NOP9: variants seen among roughly 807,000 people sequenced by gnomAD.
NOP9 encodes the protein NOP9 nucleolar protein, also known as nucleolar protein 9.
A neutral mutation model predicts 63.0 loss-of-function variants in NOP9; 50 were observed. The observed-to-expected ratio is 0.79, with a 90% CI of 0.63 to 1.00. NOP9 has a LOEUF of 1.00. Among genes scored for constraint, NOP9 ranks in the 50% least tolerant of loss-of-function variants. The pLI is 0.00. For synonymous variants in NOP9, 343 were observed against 332.8 expected (o/e 1.03, Z -0.33); for missense variants, 758 against 803.0 (o/e 0.94, Z 0.68).
the NOP9 span, among the ~76,000 whole-genome samples, chr14:24,279,133 T>A: frequency 6.6e-6 from 1 of 152,178 alleles, no homozygotes; most frequent in African/African-American, 2.4e-5. Context: ...TTCAAGCATA[T>A]GTTGGTCAAC....
rs1434495037 is a variant in NOP9 at position 24,306,254 on chromosome 14, C to G, written c.*1159C>G. ...GACTTTCTGTCCACTGTGTGACATC[C>G]TTGACAATTCCACAACTCCTCCTGC... On this transcript the variant is annotated 3_prime_UTR_variant, in exon 10 of 10. Transcript: ENST00000267425. The G allele has an allele frequency of 3.9e-6, 6 of 1,530,414 alleles. No individual in the cohort carries two copies. The highest frequency in any genetic ancestry group is 5.4e-6 in the Non-Finnish European group (6 of 1,115,978). 94.8% of individuals were successfully genotyped at this position (1,530,414 alleles called of 1,614,324 possible). A position where few individuals can be genotyped will look rare whatever the true frequency, so the allele number is the denominator to read the frequency against.
chr14:24,285,936 C>G, the NOP9 span, among the ~76,000 whole-genome samples: 42 of 152,050 alleles, frequency 2.8e-4, no homozygotes, highest in Non-Finnish European at 5.1e-4. Flanking sequence ...TGGCTGTGAG[C>G]CAAGATCATG....
In NOP9 at chr14:24,305,032, G is replaced by A. The variant is rs774670000; in HGVS notation, c.1848G>A (p.Trp616Ter). 6.2e-7 allele frequency: 1 copy of A among 1,606,580 alleles called. No homozygotes were observed. Among genetic ancestry groups the A allele is most frequent in the South Asian group, 1.1e-5 (1 of 89,970 alleles). ...LTTFLKRREA[W>*]EQQQGAVAKR... The stretch of plus-strand genomic sequence containing the variant: ...CCTTCCTAAAGCGGCGAGAGGCTTG[G>A]GAACAGCAGCAGGGTGCGGTGGCCA... The change falls in exon 10 of 10, where the codon TGG becomes TGA. Residue 616 changes from tryptophan to a stop codon, truncating the protein, a stop_gained. Coordinates refer to ENST00000267425, the MANE Select transcript of NOP9 (RefSeq NM_174913.3). LOFTEE classifies it high-confidence loss of function.
At position 24,301,622 on chromosome 14, in the gene NOP9, G is replaced by A; in HGVS notation, c.708G>A (p.Lys236=). ...TTAATCTTCCTTCAGAAGCACAGAA[G>A]ACCCCAGCTCAGGAATGTAAGCCAG... is the stretch of plus-strand genomic sequence containing the variant. ...PRGSQSSEAQ[K]TPAQECKPAD... is the part of the protein sequence containing the mutation. The change falls in exon 3 of 10, where the codon AAG becomes AAA. Residue 236 remains lysine, a synonymous_variant. Coordinates refer to ENST00000267425, the MANE Select transcript of NOP9 (RefSeq NM_174913.3). 1.2e-6 allele frequency: 2 copies of A among 1,614,122 alleles called. No homozygotes were observed. The highest frequency in any genetic ancestry group is 1.7e-6 in the Non-Finnish European group (2 of 1,179,988).
chr14:24,292,224 A>C, the NOP9 span: 1 of 1,613,982 alleles, frequency 6.2e-7, no homozygotes, highest in East Asian at 2.2e-5. Context: ...CTCCTTTGCC[A>C]TATGCTCCTT....
At chr14:24,291,928 G>A in the NOP9 span, 70 of 605,472 alleles carry the variant, frequency 1.2e-4, no homozygotes, top group Non-Finnish European at 3.5e-5. Flanking sequence ...CATGGTCTTT[G>A]GAGCTAGACA....
At position 24,305,450 on chromosome 14, in the gene NOP9, G is replaced by A; in HGVS notation, c.*355G>A. The A allele has an allele frequency of 1.4e-6, 1 of 709,298 alleles. No homozygotes were observed. The highest frequency in any genetic ancestry group is 2.2e-6 in the Non-Finnish European group (1 of 445,854). 43.9% of individuals were successfully genotyped at this position (709,298 alleles called of 1,614,324 possible). On this transcript the variant is annotated 3_prime_UTR_variant, in exon 10 of 10. Coordinates refer to ENST00000267425, the MANE Select transcript of NOP9 (RefSeq NM_174913.3). ...GGAAAGAACAGCATTCTTCAGGTAA[G>A]GGTATAGACTTGGGATGTGAGGCGT...
the NOP9 span, among the ~76,000 whole-genome samples, chr14:24,273,282 G>A: frequency 1.3e-5 from 2 of 151,582 alleles, no homozygotes; most frequent in South Asian, 4.2e-4. Flanking sequence ...GGGTTCAAGC[G>A]ATTCTCCTGC....
the NOP9 span, chr14:24,292,544 T>G: frequency 6.3e-7 from 1 of 1,589,088 alleles, no homozygotes; most frequent in Non-Finnish European, 8.6e-7. Context: ...GAGGAGGAGC[T>G]GAGAGGAGCC....
upstream of NOP9, chr14:24,299,643 C>T (rs2041328448): frequency 3.0e-6 from 1 of 331,258 alleles, no homozygotes; most frequent in Non-Finnish European, 5.5e-6. Context: ...TCTGGGTTCT[C>T]GCCCAGATTG....
chr14:24,306,044 G>C lies in NOP9; in HGVS notation c.*949G>C, dbSNP rs770979892. The C allele has an allele frequency of 1.9e-6, 3 of 1,614,134 alleles. No homozygotes were observed. The highest frequency in any genetic ancestry group is 1.7e-6 in the Non-Finnish European group (2 of 1,180,036). ...ACATTCAGGCTGCCAAAGAGGTCTC[G>C]AGGGTTTTGCTTGTACACGTCAAAG... On this transcript the variant is annotated 3_prime_UTR_variant, in exon 10 of 10. Transcript: ENST00000267425.
At chr14:24,281,013 T>C in the NOP9 span, among the ~76,000 whole-genome samples, 7 of 152,170 alleles carry the variant, frequency 4.6e-5, no homozygotes, top group Admixed American at 4.6e-4. Context: ...TGCCTGGAAC[T>C]GCTGACAGGA....
At position 24,304,524 on chromosome 14, in the gene NOP9, A is replaced by T; in HGVS notation, c.1679A>T (p.His560Leu). The stretch of plus-strand genomic sequence containing the variant: ...TATGTGGCTCTGGCCTGTAGTCGCC[A>T]TGGCAGCCGTGTGCTAGATGCCATC... ...GQYVALACSRHGSRVLDAIWS... is the reference protein window; with the variant it reads ...GQYVALACSRLGSRVLDAIWS... Residue 560 changes from histidine (H) to leucine (L), a missense_variant, in exon 9 of 10, where the codon CAT becomes CTT. His to Leu is a moderately conservative substitution (Grantham distance 99, BLOSUM62 -3). Transcript: ENST00000267425. 1 of 1,613,088 alleles carries T rather than the reference A, an allele frequency of 6.2e-7. No individual in the cohort carries two copies. The highest frequency in any genetic ancestry group is 8.5e-7 in the Non-Finnish European group (1 of 1,179,734).
chr14:24,278,776 A>AT, the NOP9 span, among the ~76,000 whole-genome samples: 41 of 152,222 alleles, frequency 2.7e-4, no homozygotes, highest in Non-Finnish European at 5.0e-4. Context: ...AATGGGGCTC[A>AT]TAGGCCCCAG....
At chr14:24,294,877 G>A (rs1209245929), upstream of NOP9, among the ~76,000 whole-genome samples, 1 of 152,210 alleles carries the variant, frequency 6.6e-6, no homozygotes, top group Non-Finnish European at 1.5e-5. Flanking sequence ...AAGCTTGCCT[G>A]AGTGCATGAG....
At chr14:24,280,386 G>T in the NOP9 span, among the ~76,000 whole-genome samples, 1 of 152,130 alleles carries the variant, frequency 6.6e-6, no homozygotes, top group Admixed American at 6.5e-5. Context: ...CTTGGGGCTC[G>T]GTCAAGTGCC....
At chr14:24,291,983 CCT>C in the NOP9 span, 3 of 693,958 alleles carry the variant, frequency 4.3e-6, no homozygotes, top group East Asian at 8.1e-5. Context: ...AGTTTCTAAA[CCT>C]CTCTGGGTTT....
Position 24,300,643 on chromosome 14 carries a change from AGAGGAGGAGGAG to A in NOP9, c.498_509del (p.Glu166_Glu169del), listed in dbSNP as rs71119069. On this transcript the variant is annotated inframe_deletion, in exon 2 of 10. Coordinates refer to ENST00000267425, the MANE Select transcript of NOP9 (RefSeq NM_174913.3). ...TCCCTCGATTGCTGGGGAGTGCTGC[AGAGGAGGAGGAG>A]GAGGAGGAGGAGGATGGAAAGGATG... 15 of 1,577,692 alleles carry A rather than the reference AGAGGAGGAGGAG, an allele frequency of 9.5e-6. No individual in the cohort carries two copies. In the South Asian group the frequency reaches 1.3e-4, roughly 14 times the overall value.
chr14:24,305,291 T>C lies in NOP9; in HGVS notation c.*196T>C, dbSNP rs747037914. The stretch of plus-strand genomic sequence containing the variant: ...TAAAGTCAGAGAGGGCTGTCATCAG[T>C]ATGCTGGGGAGTTTAGGGACAGGAG... On this transcript the variant is annotated 3_prime_UTR_variant, in exon 10 of 10. Transcript: ENST00000267425. 1.6e-6 allele frequency: 1 copy of C among 613,702 alleles called. No homozygotes were observed. Among genetic ancestry groups the C allele is most frequent in the Admixed American group, 3.7e-5 (1 of 26,840 alleles). 38.0% of individuals were successfully genotyped at this position (613,702 alleles called of 1,614,324 possible).
Sources: allele counts gnomAD v4.1 joint callset (sites outside exome capture counted in the v4.1 genomes callset), GRCh38; gene constraint gnomAD v4.1.1; transcripts MANE v1.5; gene names NCBI Gene and HGNC (gene_info 2026-07-23, HGNC 2026-07-21).